The following RASSF3 variants were observed in gnomAD, a reference collection of about 807,000 sequenced individuals.
RASSF3 encodes Ras association domain family member 3.
A neutral mutation model predicts 19.9 loss-of-function variants in RASSF3; 19 were observed. That is an observed-to-expected ratio of 0.96 (90% CI 0.67 to 1.40). The LOEUF (loss-of-function observed/expected upper bound fraction) is 1.40, where lower values mean the gene tolerates loss of function less well. Among genes scored for constraint, RASSF3 ranks in the 40% most tolerant of loss-of-function variants. The probability of loss-of-function intolerance (pLI) is 0.00; values close to 1 mark genes in which losing one functional copy is unlikely to be tolerated. For missense variants in RASSF3, 306 were observed against 289.8 expected (o/e 1.06, Z -0.41); for synonymous variants, 110 against 104.2 (o/e 1.06, Z -0.34).
At chr12:64,671,357 C>G (rs1421724335) in intron 1 of RASSF3, among the ~76,000 whole-genome samples, 1 of 152,216 alleles carries the variant, frequency 6.6e-6, no homozygotes, top group Non-Finnish European at 1.5e-5. Flanking sequence ...TCGGCTTTCT[C>G]CCTGCAGGGG....
At chr12:64,622,029 C>G (rs1346052695) in intron 1 of RASSF3, among the ~76,000 whole-genome samples, 1 of 152,026 alleles carries the variant, frequency 6.6e-6, no homozygotes, top group Non-Finnish European at 1.5e-5. Context: ...TCCAACCACT[C>G]TGGTAGAATT....
chr12:64,618,574 T>C (rs1234028828), intron 1 of RASSF3, among the ~76,000 whole-genome samples: 1 of 151,994 alleles, frequency 6.6e-6, no homozygotes, highest in African/African-American at 2.4e-5. Flanking sequence ...TGATCTGCCC[T>C]CCTTGGCCTC....
chr12:64,548,165 T>A (rs959469043), intron 2 of RASSF3, among the ~76,000 whole-genome samples: 11 of 152,126 alleles, frequency 7.2e-5, no homozygotes, highest in African/African-American at 2.4e-4. Context: ...CATATCTTTT[T>A]AAATTTTTTA....
chr12:64,642,826 C>T (rs1029372006), intron 1 of RASSF3, among the ~76,000 whole-genome samples: 3 of 150,820 alleles, frequency 2.0e-5, no homozygotes. Context: ...GTTGTGCTGC[C>T]ACTTAGAACT....
chr12:64,633,917 T>G (rs1028336619), intron 1 of RASSF3, among the ~76,000 whole-genome samples: 1 of 152,188 alleles, frequency 6.6e-6, no homozygotes, highest in African/African-American at 2.4e-5. Context: ...GAGGATTGCT[T>G]GAGCTCAGGA....
chr12:64,586,580 GTAT>G (rs1411573245), intron 2 of RASSF3, among the ~76,000 whole-genome samples: 1 of 148,300 alleles, frequency 6.7e-6, no homozygotes, highest in Non-Finnish European at 1.5e-5. Context: ...TATATTACAA[GTAT>G]TATTATTATT....
At chr12:64,536,082 T>G (rs1868820817) in intron 1 of RASSF3, among the ~76,000 whole-genome samples, 3 of 147,194 alleles carry the variant, frequency 2.0e-5, no homozygotes, top group African/African-American at 7.6e-5. Flanking sequence ...CACTGCAAGC[T>G]CCGCCTCCTG....
chr12:64,659,896 T>C (rs1872282551), intron 1 of RASSF3, among the ~76,000 whole-genome samples: 1 of 151,624 alleles, frequency 6.6e-6, no homozygotes. Context: ...TGCAGTGAGC[T>C]GAGATGGCGC....
intron 4 of RASSF3, among the ~76,000 whole-genome samples, chr12:64,693,511 C>G (rs552799702): frequency 6.6e-6 from 1 of 151,786 alleles, no homozygotes; most frequent in Non-Finnish European, 1.5e-5. Context: ...CTCAATCTCC[C>G]GGGCTCAAGC....
At chr12:64,669,033 C>G (rs1386119243) in intron 1 of RASSF3, among the ~76,000 whole-genome samples, 2 of 152,132 alleles carry the variant, frequency 1.3e-5, no homozygotes, top group Non-Finnish European at 2.9e-5. Flanking sequence ...AATTGAAAGA[C>G]TTTCATATAT....
In RASSF3 at chr12:64,526,064, A is replaced by C. The variant is rs1363003779; in HGVS notation, c.170-15517A>C. 3.9e-5 allele frequency among the ~76,000 whole-genome samples: 6 copies of C among 152,122 alleles called. No homozygotes were observed. The East Asian group carries it at 1.2e-3, about 29-fold the overall frequency. The stretch of plus-strand genomic sequence containing the variant: ...TCACTATGAGACTGCAGGTCCACCC[A>C]CCTCAGAACTATCTGGGGTGATTAT... On this transcript the variant is annotated intron_variant, in intron 1 of 5. Coordinates refer to the RASSF3 transcript ENST00000637125.
chr12:64,693,348 A>G (rs1405031547), intron 4 of RASSF3, among the ~76,000 whole-genome samples: 2 of 151,546 alleles, frequency 1.3e-5, no homozygotes, highest in Non-Finnish European at 2.9e-5. Flanking sequence ...TTTGGAAAAA[A>G]CCTCGTAGAT....
At chr12:64,604,375 C>A (rs1168785714) in intron 2 of RASSF3, among the ~76,000 whole-genome samples, 3 of 152,216 alleles carry the variant, frequency 2.0e-5, no homozygotes, top group Non-Finnish European at 4.4e-5. Context: ...ATCTGCCTGC[C>A]TCAGCCTCTC....
At chr12:64,666,504 C>T (rs1008472138) in intron 1 of RASSF3, among the ~76,000 whole-genome samples, 11 of 152,122 alleles carry the variant, frequency 7.2e-5, no homozygotes, top group Admixed American at 1.3e-4. Context: ...GAGCAGTGTA[C>T]TCTGGTTTTC....
At chr12:64,607,560 G>A (rs1191380855), upstream of RASSF3, among the ~76,000 whole-genome samples, 1 of 151,914 alleles carries the variant, frequency 6.6e-6, no homozygotes, top group Non-Finnish European at 1.5e-5. Context: ...TTTCAGTAGA[G>A]ATGGGGGTTT....
Position 64,695,273 on chromosome 12 carries a change from T to A in RASSF3, c.*361T>A, listed in dbSNP as rs924264435. 3 of 174,650 alleles carry A rather than the reference T, an allele frequency of 1.7e-5. No individual in the cohort carries two copies. The highest frequency in any genetic ancestry group is 3.6e-5 in the Non-Finnish European group (3 of 83,108). 10.8% of individuals were successfully genotyped at this position (174,650 alleles called of 1,614,324 possible). A position where few individuals can be genotyped will look rare whatever the true frequency, so the allele number is the denominator to read the frequency against. ...GCTTACAGATATGCAGTTGATTTTT[T>A]AAAAAGCTTAACTAGGAATCTTTCT... On this transcript the variant is annotated 3_prime_UTR_variant, in exon 5 of 5. Transcript: ENST00000542104.
chr12:64,528,930 C>G (rs1432273841), upstream of RASSF3, among the ~76,000 whole-genome samples: 1 of 152,232 alleles, frequency 6.6e-6, no homozygotes, highest in Non-Finnish European at 1.5e-5. Flanking sequence ...CAAACTTGAC[C>G]TTGGGCAGGT....
At chr12:64,692,904 A>G (rs1868305272) in intron 4 of RASSF3, among the ~76,000 whole-genome samples, 1 of 152,060 alleles carries the variant, frequency 6.6e-6, no homozygotes, top group South Asian at 2.1e-4. Flanking sequence ...TTGACTTGAC[A>G]TTGGGTTTTA....
At chr12:64,586,669 T>G (rs531299292) in intron 2 of RASSF3, among the ~76,000 whole-genome samples, 1 of 152,040 alleles carries the variant, frequency 6.6e-6, no homozygotes, top group Non-Finnish European at 1.5e-5. Flanking sequence ...ACGCCTGTAA[T>G]CCCAGCACTT....
Sources: allele counts gnomAD v4.1 joint callset (sites outside exome capture counted in the v4.1 genomes callset), GRCh38; gene constraint gnomAD v4.1.1; transcripts MANE v1.5; gene names NCBI Gene and HGNC (gene_info 2026-07-23, HGNC 2026-07-21).